Variants in INTS1 observed in about 807,000 individuals in gnomAD.
The protein encoded by INTS1 is integrator complex subunit 1.
Under a neutral mutation model 241.6 loss-of-function variants are expected in INTS1, and 137 were observed. That is an observed-to-expected ratio of 0.57 (90% CI 0.49 to 0.65). The LOEUF (loss-of-function observed/expected upper bound fraction) is 0.65. Among genes scored for constraint, INTS1 ranks in the 30% least tolerant of loss-of-function variants. The pLI, the probability that INTS1 is intolerant of heterozygous loss-of-function variation, is 0.00. For missense variants in INTS1, 3,073 were observed against 3,032.2 expected (o/e 1.01, Z -0.32); for synonymous variants, 1,692 against 1,337.8 (o/e 1.26, Z -5.78).
At position 1,497,114 on chromosome 7, in the gene INTS1, C is replaced by A; in HGVS notation, c.1602+24G>T. 1 of 1,575,864 alleles carries A rather than the reference C, an allele frequency of 6.3e-7. No individual in the cohort carries two copies. Among genetic ancestry groups the A allele is most frequent in the South Asian group, 1.2e-5 (1 of 86,700 alleles). ...CGTGGAACCCGCAGTGAGGGAAAGG[C>A]GCCCCAGCGGCGAGGGCTGGCACCT... On this transcript the variant is annotated intron_variant, in intron 11 of 47. Transcript: ENST00000404767. The surrounding 1 kb of genome is among the most constrained non-coding windows in gnomAD (Gnocchi z 5.3).
intron 16 of INTS1, among the ~76,000 whole-genome samples, chr7:1,490,190 G>A (rs970191505): frequency 6.6e-6 from 1 of 152,258 alleles, no homozygotes. Flanking sequence ...GAAGGAGAGA[G>A]GCAGGAGAAC....
chr7:1,487,449 CCT>C lies in INTS1; in HGVS notation c.2517-2_2517-1del, dbSNP rs1441256119. The C allele has an allele frequency of 7.5e-6, 12 of 1,610,662 alleles. No individual in the cohort carries two copies. Among genetic ancestry groups the C allele is most frequent in the East Asian group, 2.2e-5 (1 of 44,830 alleles). The stretch of plus-strand genomic sequence containing the variant: ...GAGGGGGAGGCCTCCGGGGGGGCCC[CCT>C]GAGGGCCACAGGGGACACGGTGCGT... On this transcript the variant is annotated splice_acceptor_variant, in intron 19 of 47. Coordinates refer to ENST00000404767, the MANE Select transcript of INTS1 (RefSeq NM_001080453.3). LOFTEE classifies it high-confidence loss of function.
chr7:1,477,330 C>T (rs1401826287), intron 35 of INTS1, among the ~76,000 whole-genome samples: 1 of 152,108 alleles, frequency 6.6e-6, no homozygotes, highest in Non-Finnish European at 1.5e-5. Context: ...TGGCTGGTCA[C>T]AGTGCTGGTC....
In INTS1 at chr7:1,476,533, C is replaced by G. The variant is rs189786844; in HGVS notation, c.5151+37G>C. On this transcript the variant is annotated intron_variant, in intron 37 of 47. Transcript: ENST00000404767. ...GCCACCCCCTCTCCCGGATGGGCCA[C>G]CCCCTCTCCCGGATGGGCCACCCTC... 3.1e-6 allele frequency: 5 copies of G among 1,610,652 alleles called. No homozygotes were observed. In the African/African-American group the frequency reaches 6.7e-5, roughly 22 times the overall value.
chr7:1,498,455 A>G lies in INTS1; in HGVS notation c.1382T>C (p.Val461Ala), dbSNP rs748940077. 1 of 1,613,846 alleles carries G rather than the reference A, an allele frequency of 6.2e-7. No homozygotes were observed. Among genetic ancestry groups the G allele is most frequent in the Non-Finnish European group, 8.5e-7 (1 of 1,179,866 alleles). The change falls in exon 10 of 48, where the codon GTC (valine) becomes GCC (alanine). Residue 461 changes from valine to alanine, a missense_variant. By Grantham distance (64) the Val-to-Ala change is moderately conservative. Coordinates refer to ENST00000404767, the MANE Select transcript of INTS1 (RefSeq NM_001080453.3). ...GCTGTGCTGCAGTGCGGTATAGAGG[A>G]CCTGCATGTTGTTCGGGTTCCGGGC... is the stretch of plus-strand genomic sequence containing the variant. ...SSARNPNNMQ[V>A]LYTALQHSSE... is the part of the protein sequence containing the mutation.
chr7:1,490,260 G>A (rs558274218), intron 16 of INTS1, among the ~76,000 whole-genome samples: 14 of 152,318 alleles, frequency 9.2e-5, no homozygotes, highest in Middle Eastern at 3.4e-3. Context: ...TCCGAAGTGC[G>A]TCCGACCAAA....
Position 1,479,453 on chromosome 7 carries a change from G to A in INTS1, c.4306C>T (p.Leu1436=), listed in dbSNP as rs1395801240. The A allele has an allele frequency of 1.9e-6, 3 of 1,578,344 alleles. No individual in the cohort carries two copies. The highest frequency in any genetic ancestry group is 2.6e-6 in the Non-Finnish European group (3 of 1,163,200). Reference sequence around the variant, plus strand: ...ACCTGGTACTGGCAGAGCTGGCGCAGCAGCGGGCAGGCCAGGAAGTGGCTA... The same window carrying A: ...ACCTGGTACTGGCAGAGCTGGCGCAACAGCGGGCAGGCCAGGAAGTGGCTA... ...HRSHFLACPL[L]RQLCQYQRCV... is the part of the protein sequence containing the mutation. The change falls in exon 31 of 48, where the codon CTG becomes TTG. Residue 1436 remains leucine (L), a synonymous_variant. Transcript: ENST00000404767.
In INTS1 at chr7:1,476,575, G is replaced by T. The variant is rs1160283277; in HGVS notation, c.5146C>A (p.Pro1716Thr). The T allele has an allele frequency of 5.3e-6, 8 of 1,497,520 alleles. No homozygotes were observed. The East Asian group carries it at 2.4e-4, about 46-fold the overall frequency. 92.8% of individuals were successfully genotyped at this position (1,497,520 alleles called of 1,614,324 possible). Residue 1716 changes from proline to threonine, a missense_variant, in exon 37 of 48, where the codon CCG (proline) becomes ACG (threonine). Physicochemically the swap from Pro to Thr is conservative, Grantham distance 38. Transcript: ENST00000404767. ...RIWQGRDQRT[P>T]QKRREELVLR... ...GCCACCCTCCCAAGACCTGCCTGCGGGGTGCGCTGGTCCCGCCCCTGCCAG... is the reference window on the plus strand; with the variant it reads ...GCCACCCTCCCAAGACCTGCCTGCGTGGTGCGCTGGTCCCGCCCCTGCCAG...
chr7:1,478,715 G>A lies in INTS1; in HGVS notation c.4489+11C>T, dbSNP rs202169597. 270 of 1,553,324 alleles carry A rather than the reference G, an allele frequency of 1.7e-4. 1 individual carries two copies. The Middle Eastern group carries it at 2.3e-3, about 13-fold the overall frequency. Reference sequence around the variant, plus strand: ...CCCCCCAGCCGTCTGCCAGCCCGGCGCGGTCCTCACCATCACTGAGCCTGC... The same window carrying A: ...CCCCCCAGCCGTCTGCCAGCCCGGCACGGTCCTCACCATCACTGAGCCTGC... On this transcript the variant is annotated intron_variant, in intron 32 of 47. Transcript: ENST00000404767.
chr7:1,498,469 C>G lies in INTS1; in HGVS notation c.1368G>C (p.Pro456=), dbSNP rs200944388. 6.2e-7 allele frequency: 1 copy of G among 1,613,908 alleles called. No homozygotes were observed. Among genetic ancestry groups the G allele is most frequent in the African/African-American group, 1.3e-5 (1 of 75,050 alleles). The change falls in exon 10 of 48, where the codon CCG becomes CCC. Residue 456 remains proline, a synonymous_variant. Coordinates refer to ENST00000404767, the MANE Select transcript of INTS1 (RefSeq NM_001080453.3). Reference sequence around the variant, plus strand: ...CGGTATAGAGGACCTGCATGTTGTTCGGGTTCCGGGCGCTGGAGAGCTCAT... The same window carrying G: ...CGGTATAGAGGACCTGCATGTTGTTGGGGTTCCGGGCGCTGGAGAGCTCAT... ...IFNELSSARN[P]NNMQVLYTAL...
Position 1,472,256 on chromosome 7 carries a change from A to G in INTS1, c.6184+17T>C. ...CAGGGCGCTGACCTGGCGTGGGTGA[A>G]GCAGGGCCTGACTCACCCTCCACCG... On this transcript the variant is annotated intron_variant, in intron 44 of 47. Coordinates refer to ENST00000404767, the MANE Select transcript of INTS1 (RefSeq NM_001080453.3). 2 of 1,527,916 alleles carry G rather than the reference A, an allele frequency of 1.3e-6. No individual in the cohort carries two copies. The highest frequency in any genetic ancestry group is 1.8e-6 in the Non-Finnish European group (2 of 1,126,728). The allele number at this position is 1,527,916 out of a possible 1,614,324, so 94.6% of individuals were successfully genotyped here.
At chr7:1,492,641 C>T (rs148567317) in intron 16 of INTS1, among the ~76,000 whole-genome samples, 131 of 152,230 alleles carry the variant, frequency 8.6e-4, no homozygotes, top group African/African-American at 2.9e-3. Flanking sequence ...TAAAAAATAA[C>T]GCACACACGT....
At chr7:1,502,652 GACAA>G (rs1435133171) in intron 3 of INTS1, among the ~76,000 whole-genome samples, 8 of 152,180 alleles carry the variant, frequency 5.3e-5, no homozygotes, top group African/African-American at 1.2e-4. Context: ...AGACACATGA[GACAA>G]ACAACTCAAT....
Position 1,487,777 on chromosome 7 carries a change from G to A in INTS1, c.2499C>T (p.Leu833=), listed in dbSNP as rs745467179. Residue 833 remains leucine (L), a synonymous_variant, in exon 19 of 48, where the codon CTC becomes CTT. Transcript: ENST00000404767. Reference sequence around the variant, plus strand: ...CTGCGTACTGGGGGTCCAGGCTGGTGAGCTGCGACAGGAGGAGGCTGCTGC... The same window carrying A: ...CTGCGTACTGGGGGTCCAGGCTGGTAAGCTGCGACAGGAGGAGGCTGCTGC... ...TESSSLLLSQ[L]TSLDPQGPPR... is the part of the protein sequence containing the mutation. 9.3e-6 allele frequency: 15 copies of A among 1,609,280 alleles called. No homozygotes were observed. The highest frequency in any genetic ancestry group is 3.3e-5 in the Admixed American group (2 of 59,980).
At chr7:1,477,444 G>T in intron 35 of INTS1, 106 bp downstream of exon 35, 1 of 1,329,154 alleles carries the variant, frequency 7.5e-7, no homozygotes. Context: ...CAGGGGGGGT[G>T]CTGGGGCCCC....
Position 1,494,911 on chromosome 7 carries a change from A to G in INTS1, c.1833-18T>C. On this transcript the variant is annotated intron_variant, in intron 13 of 47. Transcript: ENST00000404767. ...TGTGCAGGCTGGGCAGGCAGAGAAG[A>G]GCCCTCAGTCATGATGTGGGTGCTC... 1.3e-6 allele frequency: 2 copies of G among 1,553,052 alleles called. No homozygotes were observed. The highest frequency in any genetic ancestry group is 1.7e-6 in the Non-Finnish European group (2 of 1,149,164).
At position 1,478,346 on chromosome 7, in the gene INTS1, G is replaced by C. The variant is rs557437973; in HGVS notation, c.4630+20C>G. The C allele has an allele frequency of 2.6e-5, 42 of 1,609,516 alleles. 1 individual carries two copies. In the South Asian group the frequency reaches 4.3e-4, roughly 16 times the overall value. Reference sequence around the variant, plus strand: ...TTCCCAGGGCCGCCGTGGCCCAAGAGGATGGTGCCAGGAAGGTACCTTTGC... The same window carrying C: ...TTCCCAGGGCCGCCGTGGCCCAAGACGATGGTGCCAGGAAGGTACCTTTGC... On this transcript the variant is annotated intron_variant, in intron 33 of 47. Coordinates refer to ENST00000404767, the MANE Select transcript of INTS1 (RefSeq NM_001080453.3).
rs1156320781 is a variant in INTS1 at position 1,481,892 on chromosome 7, G to A, written c.3704-404C>T. 6.6e-6 allele frequency among the ~76,000 whole-genome samples: 1 copy of A among 152,168 alleles called. No homozygotes were observed. Among genetic ancestry groups the A allele is most frequent in the Non-Finnish European group, 1.5e-5 (1 of 68,030 alleles). ...CAGCTGTGTGGGCCCCATCCCCAGG[G>A]GTGGGTGGGCGCTCCAGAGGGCCTA... On this transcript the variant is annotated intron_variant, in intron 27 of 47. Transcript: ENST00000404767. The surrounding 1 kb of genome is among the most constrained non-coding windows in gnomAD (Gnocchi z 6.8).
Position 1,499,114 on chromosome 7 carries a change from A to G in INTS1, c.998T>C (p.Leu333Pro). 6.2e-7 allele frequency: 1 copy of G among 1,611,584 alleles called. No individual in the cohort carries two copies. The highest frequency in any genetic ancestry group is 8.5e-7 in the Non-Finnish European group (1 of 1,179,646). ...ESVEEYVLDM[L>P]RDQLNRRQPI... ...CTGGCGCCGGTTCAGCTGGTCCCGC[A>G]GCATGTCCAGGACATACTCCTCCAC... The change falls in exon 8 of 48, where the codon CTG becomes CCG. Residue 333 changes from leucine (L) to proline (P), a missense_variant. Physicochemically the swap from Leu to Pro is moderately conservative, Grantham distance 98. Transcript: ENST00000404767.
Sources: gnomAD v4.1 joint callset for allele counts (sites outside exome capture counted in the v4.1 genomes callset) on GRCh38, gnomAD v4.1.1 for gene constraint, Gnocchi (gnomAD v3.1) non-coding constraint, MANE v1.5 for transcripts, NCBI Gene and HGNC (gene_info 2026-07-23, HGNC 2026-07-21) for gene names.